Variants in GULP1 observed in about 807,000 individuals in gnomAD.
GULP1 encodes PTB domain-containing engulfment adapter protein 1.
A neutral mutation model predicts 40.9 loss-of-function variants in GULP1; 19 were observed. The observed-to-expected ratio is 0.46, with a 90% CI of 0.32 to 0.68. The LOEUF (loss-of-function observed/expected upper bound fraction) is 0.68, where lower values mean the gene tolerates loss of function less well. Among genes scored for constraint, GULP1 ranks in the 30% least tolerant of loss-of-function variants. GULP1 has a pLI of 0.03. For missense variants in GULP1, 312 were observed against 362.2 expected (o/e 0.86, Z 1.12); for synonymous variants, 119 against 117.6 (o/e 1.01, Z -0.08).
chr2:188,425,289 T>C (rs1285025736), intron 2 of GULP1, among the ~76,000 whole-genome samples: 3 of 152,158 alleles, frequency 2.0e-5, no homozygotes, highest in Non-Finnish European at 2.9e-5. Context: ...TCTGTTGTTA[T>C]GAGCTTATGG....
intron 7 of GULP1, among the ~76,000 whole-genome samples, chr2:188,561,352 G>A (rs1314739917): frequency 6.6e-6 from 1 of 152,160 alleles, no homozygotes; most frequent in East Asian, 1.9e-4. Flanking sequence ...TATGGGTTAT[G>A]GTAGTATCAG....
rs758307259 is a variant in GULP1, at chr2:188,483,510, ATTAT to A, written c.90+22_90+25del. The A allele has an allele frequency of 9.0e-7, 1 of 1,105,240 alleles. No homozygotes were observed. Among genetic ancestry groups the A allele is most frequent in the African/African-American group, 1.6e-5 (1 of 64,054 alleles). 68.5% of individuals were successfully genotyped at this position (1,105,240 alleles called of 1,614,324 possible). On this transcript the variant is annotated intron_variant, in intron 4 of 11. Transcript: ENST00000409830. Reference sequence around the variant, plus strand: ...ATGCAAAGGTAAAAATAGTTCATTTATTATTTAATTTTATTTTGTTATAGTATCA... The same window carrying A: ...ATGCAAAGGTAAAAATAGTTCATTTATTAATTTTATTTTGTTATAGTATCA...
At chr2:188,473,766 C>T (rs1159884290) in intron 2 of GULP1, among the ~76,000 whole-genome samples, 1 of 151,850 alleles carries the variant, frequency 6.6e-6, no homozygotes, top group Admixed American at 6.6e-5. Context: ...TGGTTCTCTA[C>T]CCCACTGTGG....
At chr2:188,440,339 G>A (rs776296398) in intron 2 of GULP1, among the ~76,000 whole-genome samples, 3 of 152,108 alleles carry the variant, frequency 2.0e-5, no homozygotes, top group Non-Finnish European at 4.4e-5. Context: ...ATAAAAGCCA[G>A]GTTGTCTAAA....
At chr2:188,374,006 C>A (rs1006782816) in intron 1 of GULP1, among the ~76,000 whole-genome samples, 1 of 151,852 alleles carries the variant, frequency 6.6e-6, no homozygotes, top group Non-Finnish European at 1.5e-5. Context: ...ATATCACAAC[C>A]TAAATTTGAT....
In GULP1 at chr2:188,399,690, G is replaced by GAAAAA. The variant is rs55877284; in HGVS notation, c.-45+15821_-45+15825dup. Among the ~76,000 whole-genome samples the GAAAAA allele has an allele frequency of 1.9e-3, 126 of 64,646 alleles. 7 individuals carry two copies. The highest frequency in any genetic ancestry group is 2.8e-3 in the Admixed American group (11 of 3,918). 42.4% of individuals were successfully genotyped at this position (64,646 alleles called of 152,430 possible). On this transcript the variant is annotated intron_variant, in intron 2 of 11. Coordinates refer to ENST00000409830, the MANE Select transcript of GULP1 (RefSeq NM_016315.4). ...GCAACATAGACCCCTGTCCCTACAA[G>GAAAAA]AAAAAAAAAAAAAAAAAAAAAAAAC...
chr2:188,553,848 G>T (rs936942854), intron 7 of GULP1, among the ~76,000 whole-genome samples: 11 of 151,946 alleles, frequency 7.2e-5, no homozygotes, highest in Non-Finnish European at 1.6e-4. Context: ...GGCCTGCCAG[G>T]TTTTCTATTT....
At chr2:188,412,289 C>A (rs945674563) in intron 2 of GULP1, among the ~76,000 whole-genome samples, 1 of 152,000 alleles carries the variant, frequency 6.6e-6, no homozygotes, top group Admixed American at 6.5e-5. Context: ...AAAGGTTAAC[C>A]GCCCCCATGA....
chr2:188,421,333 T>C (rs1440651379), intron 2 of GULP1, among the ~76,000 whole-genome samples: 1 of 152,152 alleles, frequency 6.6e-6, no homozygotes, highest in Non-Finnish European at 1.5e-5. Flanking sequence ...TTTATATATA[T>C]GAATTGAAAT....
At chr2:188,300,832 G>C (rs951153991) in intron 1 of GULP1, among the ~76,000 whole-genome samples, 1 of 152,024 alleles carries the variant, frequency 6.6e-6, no homozygotes, top group African/African-American at 2.4e-5. Flanking sequence ...TCCAGGGATG[G>C]GTCTAAGGTA....
At chr2:188,394,294 T>C (rs2152564847) in intron 2 of GULP1, among the ~76,000 whole-genome samples, 1 of 152,268 alleles carries the variant, frequency 6.6e-6, no homozygotes, top group Middle Eastern at 3.4e-3. Context: ...TGAAATTCTG[T>C]CTTCTAGTTG....
At chr2:188,503,054 G>T (rs966812408) in intron 4 of GULP1, among the ~76,000 whole-genome samples, 1 of 151,820 alleles carries the variant, frequency 6.6e-6, no homozygotes, top group Non-Finnish European at 1.5e-5. Context: ...TTTCCTAAAG[G>T]TCTCACGTTT....
At chr2:188,464,687 A>G (rs1040116044) in intron 2 of GULP1, among the ~76,000 whole-genome samples, 7 of 152,094 alleles carry the variant, frequency 4.6e-5, no homozygotes, top group Non-Finnish European at 7.4e-5. Flanking sequence ...TTGTTGTTCT[A>G]TTGTACTGTG....
intron 2 of GULP1, among the ~76,000 whole-genome samples, chr2:188,405,590 C>G (rs1387811215): frequency 6.6e-6 from 1 of 152,182 alleles, no homozygotes; most frequent in Non-Finnish European, 1.5e-5. Flanking sequence ...CAGGCCAGCC[C>G]TCAGTGATGT....
chr2:188,455,682 G>T (rs2059200412), intron 2 of GULP1, among the ~76,000 whole-genome samples: 1 of 152,304 alleles, frequency 6.6e-6, no homozygotes, highest in Non-Finnish European at 1.5e-5. Flanking sequence ...GTAGAGTGGG[G>T]CACTGCTGAA....
intron 6 of GULP1, among the ~76,000 whole-genome samples, chr2:188,532,403 A>G (rs1687784789): frequency 6.6e-6 from 1 of 152,200 alleles, no homozygotes; most frequent in Admixed American, 6.5e-5. Context: ...AAGCGCTACA[A>G]GATGGCTACC....
At chr2:188,495,017 C>T (rs929066902) in intron 4 of GULP1, among the ~76,000 whole-genome samples, 2 of 152,044 alleles carry the variant, frequency 1.3e-5, no homozygotes, top group Non-Finnish European at 2.9e-5. Flanking sequence ...CTTAACCACC[C>T]TGTCCTAATT....
At chr2:188,531,890 A>T (rs1401184942) in intron 6 of GULP1, among the ~76,000 whole-genome samples, 4 of 152,164 alleles carry the variant, frequency 2.6e-5, no homozygotes, top group Non-Finnish European at 5.9e-5. Flanking sequence ...AATTAAAAGG[A>T]TATAGAGTGG....
intron 9 of GULP1, among the ~76,000 whole-genome samples, chr2:188,583,858 G>A (rs1323153118): frequency 6.6e-6 from 1 of 152,124 alleles, no homozygotes; most frequent in Non-Finnish European, 1.5e-5. Context: ...AATTATTCCA[G>A]TTTAAAATGT....
Sources: allele counts gnomAD v4.1 joint callset (sites outside exome capture counted in the v4.1 genomes callset), GRCh38; gene constraint gnomAD v4.1.1; transcripts MANE v1.5; gene names NCBI Gene and HGNC (gene_info 2026-07-23, HGNC 2026-07-21).